PIP4K2A: variants seen among roughly 807,000 people sequenced by gnomAD.
The protein encoded by PIP4K2A is phosphatidylinositol 5-phosphate 4-kinase type-2 alpha.
Under a neutral mutation model 42.9 loss-of-function variants are expected in PIP4K2A, and 14 were observed. That is an observed-to-expected ratio of 0.33 (90% CI 0.22 to 0.51). The LOEUF (loss-of-function observed/expected upper bound fraction) is 0.51. PIP4K2A is among the 20% of genes least tolerant of loss of function. The pLI, the probability that PIP4K2A is intolerant of heterozygous loss-of-function variation, is 0.97. For missense variants in PIP4K2A, 434 were observed against 519.8 expected (o/e 0.83, Z 1.61); for synonymous variants, 192 against 192.2 (o/e 1.00, Z 0.01).
rs565705279 is a variant in PIP4K2A, at chr10:22,704,674, A to T, written c.144+9509T>A. Reference sequence around the variant, plus strand: ...CTGAAAAAAAAAAAAAAAAAAAAGGAACAGAAAACACGAGAAGACACTAAA... The same window carrying T: ...CTGAAAAAAAAAAAAAAAAAAAAGGTACAGAAAACACGAGAAGACACTAAA... On this transcript the variant is annotated intron_variant, in intron 1 of 9. Coordinates refer to ENST00000376573, the MANE Select transcript of PIP4K2A (RefSeq NM_005028.5). 3.1e-4 allele frequency among the ~76,000 whole-genome samples: 46 copies of T among 146,576 alleles called. 2 individuals carry two copies. The highest frequency in any genetic ancestry group is 2.7e-3 in the Admixed American group (40 of 14,734).
At chr10:22,596,222 A>AAAAAAAAAAAAAAAAAAC (rs1837632457) in intron 3 of PIP4K2A, among the ~76,000 whole-genome samples, 1 of 151,262 alleles carries the variant, frequency 6.6e-6, no homozygotes, top group African/African-American at 2.4e-5. Context: ...AAAAAAAAAA[A>AAAAAAAAAAAAAAAAAAC]AAAGGATTTA....
chr10:22,614,676 C>T (rs1457849434), intron 1 of PIP4K2A, among the ~76,000 whole-genome samples: 1 of 152,154 alleles, frequency 6.6e-6, no homozygotes, highest in Non-Finnish European at 1.5e-5. Context: ...TTCTACAACA[C>T]ATTTTATTGT....
chr10:22,598,600 C>T (rs1355658776), intron 3 of PIP4K2A, among the ~76,000 whole-genome samples: 2 of 152,176 alleles, frequency 1.3e-5, no homozygotes, highest in Non-Finnish European at 2.9e-5. Flanking sequence ...GACGACAAAA[C>T]AGAATGGACC....
chr10:22,589,366 C>G (rs1246501617), intron 4 of PIP4K2A, among the ~76,000 whole-genome samples: 2 of 152,188 alleles, frequency 1.3e-5, no homozygotes, highest in Non-Finnish European at 2.9e-5. Flanking sequence ...TGTCTTCCCC[C>G]TCACAGGTAG....
intron 1 of PIP4K2A, among the ~76,000 whole-genome samples, chr10:22,677,779 T>A (rs1399583947): frequency 1.3e-5 from 2 of 152,144 alleles, no homozygotes; most frequent in African/African-American, 2.4e-5. Context: ...CATCAGAAAA[T>A]GTTTCTAAGA....
chr10:22,699,818 A>G (rs1833680403), intron 1 of PIP4K2A, among the ~76,000 whole-genome samples: 1 of 152,222 alleles, frequency 6.6e-6, no homozygotes, highest in South Asian at 2.1e-4. Flanking sequence ...CATAGACACT[A>G]AAATCCAGAT....
intron 6 of PIP4K2A, among the ~76,000 whole-genome samples, chr10:22,556,306 C>G (rs1836546244): frequency 6.6e-6 from 1 of 152,178 alleles, no homozygotes; most frequent in Admixed American, 6.5e-5. Context: ...TTGCAAACCT[C>G]AATTGTGAAT....
chr10:22,628,887 T>C (rs1016232925), intron 1 of PIP4K2A, among the ~76,000 whole-genome samples: 1 of 152,212 alleles, frequency 6.6e-6, no homozygotes, highest in Admixed American at 6.5e-5. Context: ...GCTGGTTGGC[T>C]TCTCCTGAAT....
Position 22,704,628 on chromosome 10 carries a change from G to A in PIP4K2A, c.144+9555C>T, listed in dbSNP as rs548979111. On this transcript the variant is annotated intron_variant, in intron 1 of 9. Transcript: ENST00000376573. ...TGATTGCACCATGCACTCCAGCCCA[G>A]GCCAAAAAGCAAGACCTCATCTGAA... is the stretch of plus-strand genomic sequence containing the variant. Among the ~76,000 whole-genome samples the A allele has an allele frequency of 7.0e-5, 10 of 143,248 alleles. No homozygotes were observed. In the South Asian group the frequency reaches 1.8e-3, roughly 25 times the overall value. The allele number at this position is 143,248 out of a possible 152,430, so 94.0% of individuals were successfully genotyped here. A position where few individuals can be genotyped will look rare whatever the true frequency, so the allele number is the denominator to read the frequency against.
intron 1 of PIP4K2A, among the ~76,000 whole-genome samples, chr10:22,694,976 G>A (rs1298129121): frequency 1.3e-5 from 2 of 152,166 alleles, no homozygotes; most frequent in African/African-American, 4.8e-5. Flanking sequence ...AGAAAGCACA[G>A]TCAACAATGC....
chr10:22,652,306 A>C (rs1839012661), intron 1 of PIP4K2A, among the ~76,000 whole-genome samples: 1 of 151,988 alleles, frequency 6.6e-6, no homozygotes. Flanking sequence ...TTTTTAGTAG[A>C]GACAGGGTTT....
intron 1 of PIP4K2A, among the ~76,000 whole-genome samples, chr10:22,617,122 C>T (rs2130729505): frequency 6.6e-6 from 1 of 152,340 alleles, no homozygotes; most frequent in South Asian, 2.1e-4. Context: ...ACATTTACAT[C>T]ACATGCAAGT....
intron 6 of PIP4K2A, among the ~76,000 whole-genome samples, chr10:22,567,111 A>G (rs1463506193): frequency 6.6e-6 from 1 of 152,226 alleles, no homozygotes; most frequent in African/African-American, 2.4e-5. Context: ...GGCACTTCCC[A>G]AGGTGACAAG....
chr10:22,661,908 A>G (rs536541282), intron 1 of PIP4K2A: 1 of 152,348 alleles, frequency 6.6e-6, no homozygotes, highest in Admixed American at 6.5e-5. Context: ...CAGTAGGGAA[A>G]GCAAAGACAA....
At chr10:22,574,189 T>G (rs2054011481) in intron 4 of PIP4K2A, among the ~76,000 whole-genome samples, 1 of 12,088 alleles carries the variant, frequency 8.3e-5, no homozygotes, top group Admixed American at 7.9e-4. Context: ...GAGCAGATTT[T>G]CATAAAACGG....
At chr10:22,701,877 C>T (rs1267175055) in intron 1 of PIP4K2A, among the ~76,000 whole-genome samples, 1 of 152,124 alleles carries the variant, frequency 6.6e-6, no homozygotes, top group Non-Finnish European at 1.5e-5. Flanking sequence ...CATGGGTTGA[C>T]AGGAACAGAA....
In PIP4K2A at chr10:22,704,427, G is replaced by A. The variant is rs187338789; in HGVS notation, c.144+9756C>T. Among the ~76,000 whole-genome samples, 243 of 152,190 alleles carry A rather than the reference G, an allele frequency of 1.6e-3. 1 individual carries two copies. The highest frequency in any genetic ancestry group is 5.7e-3 in the African/African-American group (238 of 41,514). Reference sequence around the variant, plus strand: ...AGGAGATCATCGCAGGTAAGTTGACGGTTGCCAGGTACGGTGTCTCTATAG... The same window carrying A: ...AGGAGATCATCGCAGGTAAGTTGACAGTTGCCAGGTACGGTGTCTCTATAG... On this transcript the variant is annotated intron_variant, in intron 1 of 9. Coordinates refer to ENST00000376573, the MANE Select transcript of PIP4K2A (RefSeq NM_005028.5).
chr10:22,624,689 A>G (rs1838399704), intron 1 of PIP4K2A, among the ~76,000 whole-genome samples: 1 of 152,202 alleles, frequency 6.6e-6, no homozygotes, highest in African/African-American at 2.4e-5. Flanking sequence ...GCAGGGGGAA[A>G]AAAAAATCAG....
chr10:22,694,792 A>G (rs1839937871), intron 1 of PIP4K2A, among the ~76,000 whole-genome samples: 1 of 152,244 alleles, frequency 6.6e-6, no homozygotes. Flanking sequence ...AATACTTCTC[A>G]TCTGTTTTAA....
Sources: allele counts gnomAD v4.1 joint callset (sites outside exome capture counted in the v4.1 genomes callset), GRCh38; gene constraint gnomAD v4.1.1; transcripts MANE v1.5; gene names NCBI Gene and HGNC (gene_info 2026-07-23, HGNC 2026-07-21).